ADGRG7: variants seen among roughly 807,000 people sequenced by gnomAD.
The protein encoded by ADGRG7 is adhesion G protein-coupled receptor G7, also known as G-protein coupled receptor 128.
ADGRG7 carries 82 observed loss-of-function variants against 88.6 expected under a neutral mutation model. The ratio of observed to expected loss-of-function variants is 0.93; its 90% confidence interval spans 0.77 to 1.11. ADGRG7 has a LOEUF of 1.11. Ranked by LOEUF, ADGRG7 falls within the 50% of genes most tolerant of loss-of-function variation. The pLI, the probability that ADGRG7 is intolerant of heterozygous loss-of-function variation, is 0.00. For synonymous variants in ADGRG7, 381 were observed against 345.2 expected (o/e 1.10, Z -1.15); for missense variants, 945 against 953.4 (o/e 0.99, Z 0.12).
intron 5 of ADGRG7, 52 bp downstream of exon 5, chr3:100,635,878 T>C: frequency 2.2e-6 from 3 of 1,360,574 alleles, no homozygotes; most frequent in Non-Finnish European, 3.1e-6. Flanking sequence ...TTAGAGGGGG[T>C]GTTGGGAAAG....
In ADGRG7 at chr3:100,640,822, G is replaced by A. The variant is rs565312420; in HGVS notation, c.699-2444G>A. Among the ~76,000 whole-genome samples, 14 of 152,120 alleles carry A rather than the reference G, an allele frequency of 9.2e-5. No individual in the cohort carries two copies. In the South Asian group the frequency reaches 2.9e-3, roughly 32 times the overall value. On this transcript the variant is annotated intron_variant, in intron 6 of 15. Coordinates refer to ENST00000273352, the MANE Select transcript of ADGRG7 (RefSeq NM_032787.3). Reference sequence around the variant, plus strand: ...TAGGCGTGAGCCACCGCGACGGGCTGACCTCACCATTGTAGACATTGCTTG... The same window carrying A: ...TAGGCGTGAGCCACCGCGACGGGCTAACCTCACCATTGTAGACATTGCTTG...
chr3:100,662,514 A>G (rs112584436), intron 14 of ADGRG7, among the ~76,000 whole-genome samples: 1 of 152,322 alleles, frequency 6.6e-6, no homozygotes, highest in African/African-American at 2.4e-5. Flanking sequence ...GATCACTATT[A>G]AAAACTCAGC....
chr3:100,633,083 T>A (rs1345630874), intron 3 of ADGRG7, among the ~76,000 whole-genome samples, 182 bp from the exon 4 acceptor site: 2 of 152,118 alleles, frequency 1.3e-5, no homozygotes, highest in African/African-American at 4.8e-5. Context: ...AAGGAAATAG[T>A]CAACTGGTCT....
rs1331368876 is a variant in ADGRG7 at position 100,693,874 on chromosome 3, TAAC to T, written c.2137-868_2137-866del. 7.2e-5 allele frequency among the ~76,000 whole-genome samples: 11 copies of T among 152,284 alleles called. No individual in the cohort carries two copies. The South Asian group carries it at 2.3e-3, about 32-fold the overall frequency. Reference sequence around the variant, plus strand: ...TCCACAAAGGATATTAATAAAGAATTAACAGCAGCATCTTAAAAGCTATGATAC... The same window carrying T: ...TCCACAAAGGATATTAATAAAGAATTAGCAGCATCTTAAAAGCTATGATAC... On this transcript the variant is annotated intron_variant, in intron 15 of 15. Transcript: ENST00000273352.
In ADGRG7 at chr3:100,646,040, A is replaced by G. The variant is rs1391656229; in HGVS notation, c.1042A>G (p.Ile348Val). Residue 348 changes from isoleucine (I) to valine (V), a missense_variant, in exon 9 of 16, where the codon ATC becomes GTC. Physicochemically the swap from Ile to Val is conservative, Grantham distance 29. Coordinates refer to ENST00000273352, the MANE Select transcript of ADGRG7 (RefSeq NM_032787.3). ...TAKSDFSQKI[I>V]SSKTDENEQD... ...TAAATCGGATTTTAGTCAAAAAATT[A>G]TCTCAAGCAAAACTGATGAAAATGA... The G allele has an allele frequency of 6.2e-7, 1 of 1,614,122 alleles. No homozygotes were observed. The highest frequency in any genetic ancestry group is 2.2e-5 in the East Asian group (1 of 44,860).
intron 6 of ADGRG7, 179 bp downstream of exon 6, chr3:100,637,581 A>G: frequency 3.5e-6 from 2 of 565,128 alleles, no homozygotes; most frequent in Non-Finnish European, 3.2e-6. Context: ...ATGGAGTGGT[A>G]TATGTTACCT....
At chr3:100,694,645 G>T (rs976245355) in intron 15 of ADGRG7, 99 bp from the exon 16 acceptor site, 4 of 1,119,470 alleles carry the variant, frequency 3.6e-6, no homozygotes, top group Non-Finnish European at 5.1e-6. Context: ...GGGAAGTGCC[G>T]TGCAGATGAG....
chr3:100,651,185 A>T (rs1322090109), intron 11 of ADGRG7, among the ~76,000 whole-genome samples: 1 of 152,212 alleles, frequency 6.6e-6, no homozygotes, highest in African/African-American at 2.4e-5. Context: ...AACTATGAAC[A>T]GACAGATAAT....
At position 100,668,949 on chromosome 3, in the gene ADGRG7, C is replaced by A; in HGVS notation, c.1980C>A (p.Ser660Arg). The A allele has an allele frequency of 6.3e-7, 1 of 1,576,188 alleles. No homozygotes were observed. Among genetic ancestry groups the A allele is most frequent in the Non-Finnish European group, 8.6e-7 (1 of 1,164,688 alleles). The change falls in exon 15 of 16, where the codon AGC (serine) becomes AGA (arginine). Residue 660 changes from serine to arginine, a missense_variant and splice_region_variant. Transcript: ENST00000273352. ...ATTTTTCTTGTTTTCTTTCACCTAG[C>A]ACAAAAAAAGTTTCATCCATGAAGA... ...VLWKNNQNLTSTKKVSSMKKI... is the reference protein window; with the variant it reads ...VLWKNNQNLTRTKKVSSMKKI...
At chr3:100,618,661 G>C (rs943665161) in intron 1 of ADGRG7, among the ~76,000 whole-genome samples, 7 of 152,144 alleles carry the variant, frequency 4.6e-5, no homozygotes, top group Non-Finnish European at 8.8e-5. Context: ...GATGCCTCCA[G>C]CTTTGTTCTT....
chr3:100,644,990 A>G (rs771685449), intron 8 of ADGRG7, among the ~76,000 whole-genome samples: 8 of 152,324 alleles, frequency 5.3e-5, no homozygotes, highest in East Asian at 1.9e-4. Context: ...GGCTCCAACA[A>G]TGGCCACAGA....
chr3:100,622,738 T>G (rs1393203655), intron 1 of ADGRG7, among the ~76,000 whole-genome samples: 1 of 152,056 alleles, frequency 6.6e-6, no homozygotes, highest in Non-Finnish European at 1.5e-5. Context: ...TTTCTCCCAG[T>G]TTGTGGCTTC....
At chr3:100,644,896 A>G (rs1234278950) in intron 8 of ADGRG7, among the ~76,000 whole-genome samples, 1 of 152,162 alleles carries the variant, frequency 6.6e-6, no homozygotes, top group Non-Finnish European at 1.5e-5. Flanking sequence ...TTAACTTTTC[A>G]TTTAGGGTCC....
chr3:100,660,536 C>A (rs1239493369), intron 14 of ADGRG7, among the ~76,000 whole-genome samples: 1 of 152,146 alleles, frequency 6.6e-6, no homozygotes, highest in Non-Finnish European at 1.5e-5. Context: ...ACCTCCTGGG[C>A]TCAAGTGATC....
chr3:100,669,839 C>A (rs2094956269), intron 15 of ADGRG7, among the ~76,000 whole-genome samples: 1 of 152,030 alleles, frequency 6.6e-6, no homozygotes, highest in African/African-American at 2.4e-5. Context: ...AGTTCAAGAC[C>A]AGTCTAGCCA....
intron 1 of ADGRG7, among the ~76,000 whole-genome samples, chr3:100,616,631 C>A (rs1294488916): frequency 1.3e-5 from 2 of 152,072 alleles, no homozygotes; most frequent in South Asian, 4.1e-4. Flanking sequence ...GGCAACGTAG[C>A]AAGACCTCAT....
Position 100,635,700 on chromosome 3 carries a change from T to A in ADGRG7, c.471T>A (p.Leu157=), listed in dbSNP as rs1407861895. 6.2e-7 allele frequency: 1 copy of A among 1,613,992 alleles called. No individual in the cohort carries two copies. Among genetic ancestry groups the A allele is most frequent in the Non-Finnish European group, 8.5e-7 (1 of 1,179,942 alleles). Residue 157 remains leucine (L), a synonymous_variant, in exon 5 of 16, where the codon CTT becomes CTA. Transcript: ENST00000273352. ...EKQVKDVTAP[L]NNISSEVQIL... is the part of the protein sequence containing the mutation. ...AGGTAAAGGATGTCACAGCACCACT[T>A]AATAACATTTCTTCTGAAGTCCAGA...
chr3:100,660,038 G>A (rs981559405), intron 14 of ADGRG7, among the ~76,000 whole-genome samples, 195 bp downstream of exon 14: 1 of 152,200 alleles, frequency 6.6e-6, no homozygotes, highest in Non-Finnish European at 1.5e-5. Flanking sequence ...CGTACAGTCT[G>A]CTCTCAATAT....
intron 15 of ADGRG7, among the ~76,000 whole-genome samples, chr3:100,675,447 C>G (rs2094963840): frequency 1.3e-5 from 2 of 152,130 alleles, no homozygotes; most frequent in South Asian, 2.1e-4. Context: ...ATAAATTCTA[C>G]TTTGTCATGA....
Sources: gnomAD v4.1 joint callset for allele counts (sites outside exome capture counted in the v4.1 genomes callset) on GRCh38, gnomAD v4.1.1 for gene constraint, MANE v1.5 for transcripts, NCBI Gene and HGNC (gene_info 2026-07-23, HGNC 2026-07-21) for gene names.